Variants in PDXDC1 observed in about 807,000 individuals in gnomAD.
PDXDC1 encodes pyridoxal dependent decarboxylase domain containing 1, also known as pyridoxal-dependent decarboxylase domain-containing protein 1.
PDXDC1 carries 42 observed loss-of-function variants against 100.1 expected under a neutral mutation model. The observed-to-expected ratio is 0.42, with a 90% CI of 0.33 to 0.54. PDXDC1 has a LOEUF of 0.54. Among genes scored for constraint, PDXDC1 ranks in the 20% least tolerant of loss-of-function variants. PDXDC1 has a pLI of 0.10. For missense variants in PDXDC1, 636 were observed against 979.2 expected (o/e 0.65, Z 4.68); for synonymous variants, 260 against 371.7 (o/e 0.70, Z 3.46).
At chr16:14,992,154 C>T (rs112699910) in intron 1 of PDXDC1, among the ~76,000 whole-genome samples, 36,309 of 145,740 alleles carry the variant, frequency 0.25, 1,797 homozygotes, top group East Asian at 0.45. Context: ...TGCAAGCATT[C>T]TGTCCCATTG....
At chr16:15,069,073 T>A (rs2045107990) in intron 16 of PDXDC1, among the ~76,000 whole-genome samples, 1 of 152,196 alleles carries the variant, frequency 6.6e-6, no homozygotes, top group South Asian at 2.1e-4. Context: ...TCATACAACA[T>A]CTTTTAGAAG....
intron 16 of PDXDC1, chr16:15,133,100 G>C (rs2048186917): frequency 1.6e-6 from 1 of 617,458 alleles, no homozygotes. Context: ...GGGCCCGGTG[G>C]GTGTGGCTGC....
intron 16 of PDXDC1, among the ~76,000 whole-genome samples, chr16:15,089,786 CAAAAAAAAAA>C (rs142235345): frequency 1.8e-4 from 12 of 66,578 alleles, no homozygotes; most frequent in African/African-American, 4.9e-4. Flanking sequence ...GGCGACAGAG[CAAAAAAAAAA>C]AAAAAAAAAA....
Position 15,135,284 on chromosome 16 carries a change from T to G in PDXDC1, c.1400-3595T>G. On this transcript the variant is annotated intron_variant, in intron 16 of 16. Coordinates refer to the PDXDC1 transcript ENST00000535621. Reference sequence around the variant, plus strand: ...CGAGGGGCGGGCGGCACCCACCGTCTGGTTGGTGGCCTCCTCCTTGCGGCC... The same window carrying G: ...CGAGGGGCGGGCGGCACCCACCGTCGGGTTGGTGGCCTCCTCCTTGCGGCC... 2.8e-6 allele frequency: 4 copies of G among 1,404,520 alleles called. No homozygotes were observed. In the South Asian group the frequency reaches 4.9e-5, roughly 17 times the overall value. 87.0% of individuals were successfully genotyped at this position (1,404,520 alleles called of 1,614,324 possible). A position where few individuals can be genotyped will look rare whatever the true frequency, so the allele number is the denominator to read the frequency against.
rs1445097732 is a variant in PDXDC1 at position 14,989,210 on chromosome 16, C to T, written c.22-8543C>T. 6.8e-6 allele frequency: 11 copies of T among 1,614,266 alleles called. No homozygotes were observed. In the African/African-American group the frequency reaches 1.2e-4, roughly 18 times the overall value. ...GCATCTCCAAGAGCTCCAGCATTTCCTTCCGTGCCAAGTCCTGCAGCGCCT... is the reference window on the plus strand; with the variant it reads ...GCATCTCCAAGAGCTCCAGCATTTCTTTCCGTGCCAAGTCCTGCAGCGCCT... On this transcript the variant is annotated intron_variant, in intron 1 of 22. Transcript: ENST00000396410.
intron 16 of PDXDC1, among the ~76,000 whole-genome samples, chr16:15,084,973 G>C (rs1290281522): frequency 6.6e-6 from 1 of 152,054 alleles, no homozygotes; most frequent in Non-Finnish European, 1.5e-5. Context: ...GGCTGAAGCA[G>C]GAGAACCACT....
chr16:15,127,077 C>T, intron 16 of PDXDC1: 1 of 353,816 alleles, frequency 2.8e-6, no homozygotes, highest in Non-Finnish European at 5.6e-6. Context: ...CGTGAGCCAC[C>T]ACACCCGGCC....
chr16:15,076,502 C>G, intron 16 of PDXDC1: 1 of 1,146,424 alleles, frequency 8.7e-7, no homozygotes, highest in Non-Finnish European at 1.3e-6. Context: ...GCAGCACTAG[C>G]TGTTTCCACC....
At chr16:15,132,513 G>T (rs901062778) in intron 16 of PDXDC1, among the ~76,000 whole-genome samples, 1 of 150,394 alleles carries the variant, frequency 6.6e-6, no homozygotes, top group Non-Finnish European at 1.5e-5. Flanking sequence ...TTTACACCCT[G>T]GGTCCCCCGA....
chr16:15,116,527 T>TG (rs2047245001), intron 16 of PDXDC1, among the ~76,000 whole-genome samples: 1 of 115,480 alleles, frequency 8.7e-6, no homozygotes, highest in Non-Finnish European at 1.9e-5. Context: ...ATCATGAAAA[T>TG]GGCATGAATA....
chr16:15,055,222 C>T (rs981322535), intron 16 of PDXDC1, among the ~76,000 whole-genome samples: 29 of 152,194 alleles, frequency 1.9e-4, no homozygotes, highest in Admixed American at 9.8e-4. Flanking sequence ...TGCCAACAGT[C>T]CCTGCATAAG....
At chr16:15,067,575 T>C (rs1434091141) in intron 16 of PDXDC1, among the ~76,000 whole-genome samples, 1 of 149,292 alleles carries the variant, frequency 6.7e-6, no homozygotes, top group African/African-American at 2.5e-5. Context: ...TCATGTCCAG[T>C]TTATTTCTAT....
chr16:15,122,431 T>A (rs2047469688), intron 16 of PDXDC1, among the ~76,000 whole-genome samples: 1 of 144,912 alleles, frequency 6.9e-6, no homozygotes, highest in Non-Finnish European at 1.5e-5. Flanking sequence ...CCCTGGCTAG[T>A]CTTCAACTCC....
intron 16 of PDXDC1, chr16:15,071,053 C>G: frequency 7.2e-7 from 1 of 1,391,878 alleles, no homozygotes; most frequent in Non-Finnish European, 9.8e-7. Flanking sequence ...ATATTTCTGA[C>G]TTGAGACAAT....
chr16:15,094,165 C>G (rs762546448), intron 16 of PDXDC1: 1 of 1,601,718 alleles, frequency 6.2e-7, no homozygotes, highest in African/African-American at 1.3e-5. Flanking sequence ...ACGCGCCCAG[C>G]TTCTTAACTG....
chr16:15,041,804 C>T (rs2043827589), downstream of PDXDC1: 5 of 719,494 alleles, frequency 6.9e-6, no homozygotes, highest in Admixed American at 7.6e-5. Context: ...AGCCCGCGCC[C>T]ACACTGCCAC....
chr16:15,131,690 C>A, intron 16 of PDXDC1: 1 of 1,554,786 alleles, frequency 6.4e-7, no homozygotes, highest in East Asian at 2.4e-5. Flanking sequence ...TCTGAGCTGG[C>A]CAGGTGGATG....
chr16:15,047,758 T>G, intron 16 of PDXDC1: 1 of 1,115,884 alleles, frequency 9.0e-7, no homozygotes, highest in South Asian at 1.2e-5. Context: ...CGGAGTCCGC[T>G]TCCAACAAGA....
chr16:15,029,588 T>C, intron 15 of PDXDC1: 1 of 449,132 alleles, frequency 2.2e-6, no homozygotes, highest in South Asian at 3.8e-5. Flanking sequence ...TACTAAGCAG[T>C]GTCAAGTAGC....
Sources: allele counts gnomAD v4.1 joint callset (sites outside exome capture counted in the v4.1 genomes callset), GRCh38; gene constraint gnomAD v4.1.1; transcripts MANE v1.5; gene names NCBI Gene and HGNC (gene_info 2026-07-23, HGNC 2026-07-21).